Variants in CDH13 observed in about 807,000 individuals in gnomAD.
CDH13 encodes the protein cadherin 13.
CDH13 carries 24 observed loss-of-function variants against 63.8 expected under a neutral mutation model. That is an observed-to-expected ratio of 0.38 (90% CI 0.27 to 0.53). CDH13 has a LOEUF of 0.53. Among genes scored for constraint, CDH13 ranks in the 20% least tolerant of loss-of-function variants. CDH13 has a pLI of 0.85. For missense variants in CDH13, 1,049 were observed against 903.1 expected, an observed-to-expected ratio of 1.16 and a Z score of -2.07; for synonymous variants, 503 against 355.3, an observed-to-expected ratio of 1.42 and a Z score of -4.67.
At chr16:83,489,759 AG>A (rs1465482458) in intron 7 of CDH13, among the ~76,000 whole-genome samples, 4 of 152,178 alleles carry the variant, frequency 2.6e-5, no homozygotes. Context: ...GGCCTGTCTT[AG>A]GTGTGGTTTT....
At chr16:82,679,740 A>G (rs1200328570) in intron 1 of CDH13, among the ~76,000 whole-genome samples, 4 of 152,222 alleles carry the variant, frequency 2.6e-5, no homozygotes, top group African/African-American at 4.8e-5. Context: ...ATTTTGGATC[A>G]TTTACAATGA....
At chr16:83,510,379 TG>T (rs1197246105) in intron 7 of CDH13, among the ~76,000 whole-genome samples, 1 of 152,206 alleles carries the variant, frequency 6.6e-6, no homozygotes, top group Non-Finnish European at 1.5e-5. Flanking sequence ...TTAACTTGCC[TG>T]TGAAAATCCT....
intron 7 of CDH13, among the ~76,000 whole-genome samples, chr16:83,563,974 A>G (rs2075749818): frequency 6.6e-6 from 1 of 152,234 alleles, no homozygotes; most frequent in South Asian, 2.1e-4. Flanking sequence ...GCCTGCCTGT[A>G]TGACTGGGAT....
intron 2 of CDH13, among the ~76,000 whole-genome samples, chr16:82,907,234 G>GC (rs1309087543): frequency 6.6e-6 from 1 of 152,076 alleles, no homozygotes; most frequent in East Asian, 1.9e-4. Context: ...AGAAAAGAAC[G>GC]CGAACCAAAG....
chr16:82,701,359 C>T (rs1287663662), intron 1 of CDH13, among the ~76,000 whole-genome samples: 1 of 152,096 alleles, frequency 6.6e-6, no homozygotes, highest in African/African-American at 2.4e-5. Flanking sequence ...TGACTTCCAT[C>T]CTGATTACTA....
At chr16:83,237,357 G>T (rs1219365265) in intron 5 of CDH13, among the ~76,000 whole-genome samples, 2 of 152,144 alleles carry the variant, frequency 1.3e-5, no homozygotes, top group Non-Finnish European at 2.9e-5. Flanking sequence ...CTTAACTTCT[G>T]GTGTTCTTTA....
intron 1 of CDH13, among the ~76,000 whole-genome samples, chr16:82,627,872 T>C (rs1907534090): frequency 6.6e-6 from 1 of 152,198 alleles, no homozygotes; most frequent in Non-Finnish European, 1.5e-5. Context: ...TCCGGCCAGA[T>C]CCCGGGCTGC....
intron 4 of CDH13, among the ~76,000 whole-genome samples, chr16:83,132,168 C>A (rs2036082287): frequency 6.6e-6 from 1 of 152,132 alleles, no homozygotes; most frequent in Admixed American, 6.5e-5. Flanking sequence ...GAAGACCAAG[C>A]TATATCCTTA....
intron 3 of CDH13, among the ~76,000 whole-genome samples, chr16:83,117,362 C>T (rs1330383760): frequency 2.0e-5 from 3 of 151,792 alleles, no homozygotes; most frequent in South Asian, 2.1e-4. Context: ...AGTGCCTCCT[C>T]CTCCTGCCCC....
At chr16:83,499,676 A>G (rs1052386358) in intron 7 of CDH13, among the ~76,000 whole-genome samples, 1 of 152,264 alleles carries the variant, frequency 6.6e-6, no homozygotes, top group African/African-American at 2.4e-5. Context: ...TGTCATGAAG[A>G]GCAAATGAAT....
intron 1 of CDH13, among the ~76,000 whole-genome samples, chr16:82,629,878 A>C (rs1457132700): frequency 6.6e-6 from 1 of 152,204 alleles, no homozygotes; most frequent in African/African-American, 2.4e-5. Flanking sequence ...ATGAGCAAGA[A>C]ATTCCATGGT....
At chr16:83,648,737 T>G (rs1157787206) in intron 8 of CDH13, among the ~76,000 whole-genome samples, 1 of 152,234 alleles carries the variant, frequency 6.6e-6, no homozygotes, top group Non-Finnish European at 1.5e-5. Flanking sequence ...AGTATCATTC[T>G]ATCTTTATTC....
intron 8 of CDH13, among the ~76,000 whole-genome samples, chr16:83,608,660 A>ATTTTTTTTTTTT (rs754678790): frequency 1.8e-5 from 2 of 109,920 alleles, no homozygotes; most frequent in Non-Finnish European, 3.9e-5. Flanking sequence ...TAATTTTTGT[A>ATTTTTTTTTTTT]TTTTTTTTTT....
chr16:83,059,442 C>G (rs1207168646), intron 3 of CDH13, among the ~76,000 whole-genome samples: 3 of 152,050 alleles, frequency 2.0e-5, no homozygotes, highest in East Asian at 1.9e-4. Flanking sequence ...AGTGTGTGCT[C>G]AAAAAGAACT....
intron 8 of CDH13, among the ~76,000 whole-genome samples, chr16:83,631,874 G>A (rs1052245768): frequency 4.6e-5 from 7 of 152,168 alleles, no homozygotes; most frequent in African/African-American, 1.7e-4. Context: ...ACCAAACCAC[G>A]CATCAAGGTC....
At chr16:83,720,583 T>A (rs1490869612) in intron 10 of CDH13, among the ~76,000 whole-genome samples, 10 of 147,602 alleles carry the variant, frequency 6.8e-5, no homozygotes, top group Non-Finnish European at 1.1e-4. Context: ...TCTCTGTCTT[T>A]AAAAAAAAAA....
intron 4 of CDH13, among the ~76,000 whole-genome samples, chr16:83,209,806 G>A (rs1431702372): frequency 1.3e-5 from 2 of 152,108 alleles, no homozygotes; most frequent in African/African-American, 4.8e-5. Flanking sequence ...GGTTAAGTCT[G>A]CATGGAGTGG....
At chr16:83,042,966 C>T (rs1007184277) in intron 3 of CDH13, among the ~76,000 whole-genome samples, 2 of 152,164 alleles carry the variant, frequency 1.3e-5, no homozygotes, top group African/African-American at 4.8e-5. Context: ...TACCATGCTC[C>T]ATGGCAAAAG....
chr16:83,579,725 A>G (rs1192877801), intron 7 of CDH13, among the ~76,000 whole-genome samples: 1 of 152,060 alleles, frequency 6.6e-6, no homozygotes, highest in Non-Finnish European at 1.5e-5. Flanking sequence ...TACTGATGTG[A>G]ATGGAGTCAC....
Sources: gnomAD v4.1 joint callset for allele counts (sites outside exome capture counted in the v4.1 genomes callset) on GRCh38, gnomAD v4.1.1 for gene constraint, MANE v1.5 for transcripts, NCBI Gene and HGNC (gene_info 2026-07-23, HGNC 2026-07-21) for gene names.